WLS: variants seen among roughly 807,000 people sequenced by gnomAD.
WLS encodes the protein protein wntless homolog.
A neutral mutation model predicts 62.8 loss-of-function variants in WLS; 23 were observed. The observed-to-expected ratio is 0.37, with a 90% CI of 0.26 to 0.52. WLS has a LOEUF of 0.52. WLS is among the 20% of genes least tolerant of loss of function. The probability of loss-of-function intolerance (pLI) is 0.92; values close to 1 mark genes in which losing one functional copy is unlikely to be tolerated. For missense variants in WLS, 615 were observed against 697.3 expected, an observed-to-expected ratio of 0.88 and a Z score of 1.33; for synonymous variants, 246 against 244.1, an observed-to-expected ratio of 1.01 and a Z score of -0.07.
chr1:68,141,023 A>G (rs1347863974), intron 10 of WLS, among the ~76,000 whole-genome samples: 1 of 129,550 alleles, frequency 7.7e-6, no homozygotes, highest in African/African-American at 2.9e-5. Context: ...CACCCTCTGC[A>G]TAAGTCTTAT....
chr1:68,195,720 C>T (rs989658384), intron 1 of WLS, among the ~76,000 whole-genome samples: 4 of 151,868 alleles, frequency 2.6e-5, no homozygotes, highest in African/African-American at 4.8e-5. Flanking sequence ...TATGTTTTTC[C>T]CCCCATGCTT....
intron 2 of WLS, among the ~76,000 whole-genome samples, chr1:68,168,602 A>C (rs1647098226): frequency 6.6e-6 from 1 of 152,222 alleles, no homozygotes; most frequent in Admixed American, 6.5e-5. Flanking sequence ...ATGGTTGTCA[A>C]AAGCTTTTAG....
intron 2 of WLS, among the ~76,000 whole-genome samples, chr1:68,165,677 C>T (rs187754285): frequency 2.3e-4 from 35 of 152,166 alleles, no homozygotes; most frequent in African/African-American, 7.7e-4. Context: ...ATGGAGCCAG[C>T]GGTGGGGAGA....
chr1:68,202,392 A>C (rs1411442676), intron 1 of WLS: 1 of 152,210 alleles, frequency 6.6e-6, no homozygotes, highest in Non-Finnish European at 1.5e-5. Flanking sequence ...TAGGACTCAA[A>C]AACTGACCCT....
intron 11 of WLS, among the ~76,000 whole-genome samples, chr1:68,119,810 C>T (rs559986152): frequency 2.0e-5 from 3 of 152,342 alleles, no homozygotes; most frequent in East Asian, 1.9e-4. Flanking sequence ...CTGCCCACTC[C>T]GTGTAAAGAA....
chr1:68,218,376 T>C (rs2100657211), intron 1 of WLS, among the ~76,000 whole-genome samples: 1 of 152,224 alleles, frequency 6.6e-6, no homozygotes, highest in Middle Eastern at 3.4e-3. Context: ...AAATCGTACA[T>C]CCAAGTCTGG....
chr1:68,172,925 TG>T (rs1647176315), intron 2 of WLS, among the ~76,000 whole-genome samples: 2 of 152,124 alleles, frequency 1.3e-5, no homozygotes, highest in Admixed American at 1.3e-4. Context: ...TTGCCCTGAG[TG>T]CTGCAGCATT....
At chr1:68,137,318 A>G (rs1308224426) in intron 11 of WLS, among the ~76,000 whole-genome samples, 1 of 152,178 alleles carries the variant, frequency 6.6e-6, no homozygotes, top group African/African-American at 2.4e-5. Context: ...TTAGACATAC[A>G]TCGAAAAATC....
chr1:68,155,756 C>G (rs533381109), intron 3 of WLS, among the ~76,000 whole-genome samples: 4 of 151,976 alleles, frequency 2.6e-5, no homozygotes, highest in Non-Finnish European at 5.9e-5. Context: ...GAGGGAGAAG[C>G]TAGAAGAAGC....
chr1:68,100,529 T>C (rs557623756), intron 11 of WLS, among the ~76,000 whole-genome samples: 1 of 152,286 alleles, frequency 6.6e-6, no homozygotes, highest in South Asian at 2.1e-4. Context: ...TCTTCAACTT[T>C]GAGGAAGAGG....
intron 11 of WLS, among the ~76,000 whole-genome samples, chr1:68,131,446 C>T (rs1411115): frequency 0.02 from 3,099 of 151,854 alleles, 101 homozygotes; most frequent in African/African-American, 0.071. Context: ...AGGATCCCTT[C>T]TGGGAGATGG....
rs1570834379 is a variant in WLS, at chr1:68,125,374, A to AG, written c.*851dup. 1 of 985,464 alleles carries AG rather than the reference A, an allele frequency of 1.0e-6. No homozygotes were observed. The highest frequency in any genetic ancestry group is 1.2e-6 in the Non-Finnish European group (1 of 829,942). 61.0% of individuals were successfully genotyped at this position (985,464 alleles called of 1,614,324 possible). ...ACGCATGTGTATGAGTTTTAGCAGGAGGGGATATGCATGTACACATATGCA... is the reference window on the plus strand; with the variant it reads ...ACGCATGTGTATGAGTTTTAGCAGGAGGGGGATATGCATGTACACATATGCA... On this transcript the variant is annotated 3_prime_UTR_variant, in exon 12 of 12. Coordinates refer to ENST00000262348, the MANE Select transcript of WLS (RefSeq NM_024911.7).
intron 1 of WLS, among the ~76,000 whole-genome samples, chr1:68,203,770 C>T (rs1649155809): frequency 6.6e-6 from 1 of 152,098 alleles, no homozygotes; most frequent in African/African-American, 2.4e-5. Flanking sequence ...AAATCTGACT[C>T]CAGAGCAACC....
intron 11 of WLS, among the ~76,000 whole-genome samples, chr1:68,133,780 C>A (rs1646565884): frequency 1.3e-5 from 2 of 152,212 alleles, no homozygotes; most frequent in South Asian, 4.1e-4. Context: ...TTCCTACCCA[C>A]TTCTACTTCC....
intron 1 of WLS, among the ~76,000 whole-genome samples, chr1:68,230,989 C>T (rs1221579776): frequency 6.6e-6 from 1 of 152,174 alleles, no homozygotes; most frequent in African/African-American, 2.4e-5. Flanking sequence ...CCCGTAAAGG[C>T]ACGCGCGGAG....
intron 11 of WLS, chr1:68,100,580 A>G (rs78821757): frequency 6.6e-6 from 1 of 152,124 alleles, no homozygotes; most frequent in Non-Finnish European, 1.5e-5. Context: ...AAATTTAGAA[A>G]TTAAAATTGA....
chr1:68,150,076 A>C, intron 6 of WLS, 112 bp downstream of exon 6: 1 of 1,117,902 alleles, frequency 8.9e-7, no homozygotes, highest in Non-Finnish European at 1.3e-6. Context: ...TGTAACTACT[A>C]GTTTATTCTG....
In WLS at chr1:68,133,507, A is replaced by G. The variant is rs558577214; in HGVS notation, c.1516+4273T>C. 3.6e-4 allele frequency among the ~76,000 whole-genome samples: 55 copies of G among 152,308 alleles called. 1 individual carries two copies. The highest frequency in any genetic ancestry group is 1.2e-3 in the South Asian group (6 of 4,828). ...ACTCCTTCGAGCTTCACTTCACTCC[A>G]TCTCATTCAAGATGGCACAAGGCTA... On this transcript the variant is annotated intron_variant, in intron 11 of 11. Coordinates refer to ENST00000262348, the MANE Select transcript of WLS (RefSeq NM_024911.7).
chr1:68,140,398 A>G (rs1163803304), intron 10 of WLS, among the ~76,000 whole-genome samples: 1 of 152,270 alleles, frequency 6.6e-6, no homozygotes, highest in Non-Finnish European at 1.5e-5. Flanking sequence ...TTCATTGCCC[A>G]TAATGTACAT....
Sources: gnomAD v4.1 joint callset for allele counts (sites outside exome capture counted in the v4.1 genomes callset) on GRCh38, gnomAD v4.1.1 for gene constraint, MANE v1.5 for transcripts, NCBI Gene and HGNC (gene_info 2026-07-23, HGNC 2026-07-21) for gene names.